Variants in VAV3 observed in about 807,000 individuals in gnomAD.
VAV3 encodes the protein guanine nucleotide exchange factor VAV3.
VAV3 carries 94 observed loss-of-function variants against 131.2 expected under a neutral mutation model. That is an observed-to-expected ratio of 0.72 (90% CI 0.61 to 0.85). VAV3 has a LOEUF of 0.85. Ranked by LOEUF, VAV3 falls within the 40% of genes least tolerant of loss-of-function variation. VAV3 has a pLI of 0.00. For synonymous variants in VAV3, 349 were observed against 342.0 expected (o/e 1.02, Z -0.22); for missense variants, 939 against 1,002.7 (o/e 0.94, Z 0.86).
intron 21 of VAV3, among the ~76,000 whole-genome samples, chr1:107,616,357 G>T (rs1020408678): frequency 1.3e-5 from 2 of 151,428 alleles, no homozygotes; most frequent in Non-Finnish European, 2.9e-5. Context: ...AAGTAACAAT[G>T]TTCTCATTTA....
intron 1 of VAV3, among the ~76,000 whole-genome samples, chr1:107,956,359 C>T (rs1316320141): frequency 6.6e-6 from 1 of 152,062 alleles, no homozygotes; most frequent in Non-Finnish European, 1.5e-5. Context: ...TTTTTTTCCT[C>T]AGGACCCCTT....
In VAV3 at chr1:107,964,646, G is replaced by T. The variant is rs1557950820; in HGVS notation, c.204+20C>A. ...GGGAGCTGCCGGCTGGAGGCGGGGC[G>T]CCCGTGCCGGCCTCCTCACCTGGGA... On this transcript the variant is annotated intron_variant, in intron 1 of 26. Coordinates refer to ENST00000370056, the MANE Select transcript of VAV3 (RefSeq NM_006113.5). 6.2e-7 allele frequency: 1 copy of T among 1,605,054 alleles called. No homozygotes were observed. Among genetic ancestry groups the T allele is most frequent in the Non-Finnish European group, 8.5e-7 (1 of 1,175,030 alleles).
intron 1 of VAV3, among the ~76,000 whole-genome samples, chr1:107,932,250 T>G (rs1431447328): frequency 6.6e-6 from 1 of 152,174 alleles, no homozygotes; most frequent in African/African-American, 2.4e-5. Context: ...GAGCGGGCAT[T>G]AAGACATACT....
chr1:107,762,161 G>A (rs1300886914), intron 9 of VAV3, among the ~76,000 whole-genome samples: 2 of 149,652 alleles, frequency 1.3e-5, no homozygotes, highest in Admixed American at 1.3e-4. Context: ...TTATTAGTGA[G>A]CAACCTCATA....
At chr1:107,893,507 G>A (rs1671413268) in intron 1 of VAV3, among the ~76,000 whole-genome samples, 1 of 152,156 alleles carries the variant, frequency 6.6e-6, no homozygotes, top group African/African-American at 2.4e-5. Context: ...CCAAGTGGCT[G>A]GGGAGGCCTC....
At chr1:107,882,258 C>A (rs1250894402) in intron 1 of VAV3, among the ~76,000 whole-genome samples, 2 of 152,172 alleles carry the variant, frequency 1.3e-5, no homozygotes, top group East Asian at 3.9e-4. Context: ...AAGGACCACC[C>A]AGAGCCAACC....
At chr1:107,709,708 A>T (rs1428093268) in intron 15 of VAV3, among the ~76,000 whole-genome samples, 1 of 152,100 alleles carries the variant, frequency 6.6e-6, no homozygotes, top group Non-Finnish European at 1.5e-5. Context: ...GTTATTTCTC[A>T]TGGGATCTGA....
chr1:107,576,642 G>A (rs577857981), intron 25 of VAV3, among the ~76,000 whole-genome samples: 13 of 152,256 alleles, frequency 8.5e-5, no homozygotes, highest in African/African-American at 3.1e-4. Flanking sequence ...ATTCAGAGCT[G>A]TCTATCCTTT....
chr1:107,587,438 C>T (rs186051472), intron 25 of VAV3, among the ~76,000 whole-genome samples: 51 of 152,138 alleles, frequency 3.4e-4, no homozygotes, highest in Non-Finnish European at 6.0e-4. Flanking sequence ...GGAATTTCTC[C>T]CCATTTAGAT....
intron 1 of VAV3, among the ~76,000 whole-genome samples, chr1:107,877,937 G>C (rs1004745692): frequency 6.6e-6 from 1 of 152,170 alleles, no homozygotes; most frequent in East Asian, 1.9e-4. Context: ...TATAGGAACA[G>C]AGCTGAGGAA....
chr1:107,696,288 T>G (rs1223386612), intron 17 of VAV3, among the ~76,000 whole-genome samples: 1 of 152,242 alleles, frequency 6.6e-6, no homozygotes. Flanking sequence ...ATTTATCATT[T>G]CTTTGTGTTG....
At chr1:107,713,366 T>TA (rs915688516) in intron 15 of VAV3, among the ~76,000 whole-genome samples, 16 of 151,322 alleles carry the variant, frequency 1.1e-4, no homozygotes, top group South Asian at 4.2e-4. Flanking sequence ...TTTATTTAAA[T>TA]AAAAAAAACA....
At chr1:107,800,633 CAGGT>C (rs1412850881) in intron 2 of VAV3, among the ~76,000 whole-genome samples, 4 of 152,150 alleles carry the variant, frequency 2.6e-5, no homozygotes, top group Non-Finnish European at 5.9e-5. Flanking sequence ...TCCCACCACC[CAGGT>C]AGTGAGCATA....
intron 24 of VAV3, 144 bp downstream of exon 24, chr1:107,602,253 G>T: frequency 1.9e-6 from 1 of 515,204 alleles, no homozygotes; most frequent in Non-Finnish European, 3.3e-6. Context: ...AGAATTTTCA[G>T]GATTTTGTTG....
intron 20 of VAV3, among the ~76,000 whole-genome samples, chr1:107,632,603 T>A (rs372815488): frequency 6.6e-6 from 1 of 152,190 alleles, no homozygotes; most frequent in Non-Finnish European, 1.5e-5. Flanking sequence ...TGGGAAACAC[T>A]AGATGAACTT....
chr1:107,757,106 T>C (rs1664145052), intron 11 of VAV3, among the ~76,000 whole-genome samples, 155 bp downstream of exon 11: 1 of 151,560 alleles, frequency 6.6e-6, no homozygotes, highest in Admixed American at 6.6e-5. Flanking sequence ...GTCATAATAT[T>C]TTATTTATGT....
At chr1:107,814,997 G>GC (rs1557863240) in intron 2 of VAV3, among the ~76,000 whole-genome samples, 1 of 152,046 alleles carries the variant, frequency 6.6e-6, no homozygotes, top group Non-Finnish European at 1.5e-5. Context: ...GTATGAGAGA[G>GC]CCCCCAAAAG....
intron 2 of VAV3, among the ~76,000 whole-genome samples, chr1:107,844,163 C>A (rs1668852990): frequency 6.6e-6 from 1 of 151,810 alleles, no homozygotes; most frequent in Non-Finnish European, 1.5e-5. Flanking sequence ...GTACAGCCCA[C>A]CGAGGGCAAG....
At chr1:107,930,142 T>TA (rs76853802) in intron 1 of VAV3, among the ~76,000 whole-genome samples, 4,284 of 152,130 alleles carry the variant, frequency 0.028, 94 homozygotes, top group East Asian at 0.1. Flanking sequence ...GTGACTGTAG[T>TA]AAAAAATAAT....
Sources: allele counts gnomAD v4.1 joint callset (sites outside exome capture counted in the v4.1 genomes callset), GRCh38; gene constraint gnomAD v4.1.1; transcripts MANE v1.5; gene names NCBI Gene and HGNC (gene_info 2026-07-23, HGNC 2026-07-21).